The following SHISA5 variants were observed in gnomAD, a reference collection of about 807,000 sequenced individuals.
SHISA5 encodes the protein shisa family member 5.
Under a neutral mutation model 27.5 loss-of-function variants are expected in SHISA5, and 21 were observed. The ratio of observed to expected loss-of-function variants is 0.76; its 90% CI spans 0.54 to 1.10. The LOEUF is 1.10. Ranked by LOEUF, SHISA5 falls within the 50% of genes least tolerant of loss-of-function variation. The pLI, the probability that SHISA5 is intolerant of heterozygous loss-of-function variation, is 0.00. For synonymous variants in SHISA5, 137 were observed against 142.2 expected (o/e 0.96, Z 0.26); for missense variants, 314 against 336.3 (o/e 0.93, Z 0.52).
intron 2 of SHISA5, among the ~76,000 whole-genome samples, chr3:48,484,495 C>T (rs1575319260): frequency 2.0e-5 from 3 of 152,052 alleles, no homozygotes; most frequent in South Asian, 2.1e-4. Flanking sequence ...ACTCAGGAGG[C>T]GGAGACAGGA....
chr3:48,502,431 G>T, intron 1 of SHISA5: 2 of 456,666 alleles, frequency 4.4e-6, no homozygotes, highest in Non-Finnish European at 8.8e-6. Context: ...AGGGCTCCAA[G>T]GCAGTGGCAC....
intron 3 of SHISA5, among the ~76,000 whole-genome samples, chr3:48,476,490 C>T (rs1414093380): frequency 1.3e-5 from 2 of 152,202 alleles, no homozygotes; most frequent in Non-Finnish European, 2.9e-5. Flanking sequence ...CCTGGCTTCT[C>T]CTGAGCTCCT....
chr3:48,468,706 T>C lies in SHISA5; in HGVS notation c.*401A>G. The C allele has an allele frequency of 4.7e-6, 6 of 1,276,420 alleles. No homozygotes were observed. The highest frequency in any genetic ancestry group is 6.1e-6 in the Non-Finnish European group (6 of 987,510). The allele number at this position is 1,276,420 out of a possible 1,614,324, so 79.1% of individuals were successfully genotyped here. A position where few individuals can be genotyped will look rare whatever the true frequency, so the allele number is the denominator to read the frequency against. ...GACACATCTGCATCACACAGAAAGCTGCGCCACCCTGGTGTGACAGGCCCT... is the reference window on the plus strand; with the variant it reads ...GACACATCTGCATCACACAGAAAGCCGCGCCACCCTGGTGTGACAGGCCCT... On this transcript the variant is annotated 3_prime_UTR_variant, in exon 6 of 6. Transcript: ENST00000296444.
In SHISA5 at chr3:48,468,493, G is replaced by T; in HGVS notation, c.*614C>A. ...GCCTGAGGTGTTCTGGCATCAGGAG[G>T]CTGCCTGATCCCCAACAGGCATGAC... On this transcript the variant is annotated 3_prime_UTR_variant, in exon 6 of 6. Coordinates refer to ENST00000296444, the MANE Select transcript of SHISA5 (RefSeq NM_016479.6). 6.8e-6 allele frequency: 8 copies of T among 1,182,142 alleles called. No individual in the cohort carries two copies. Among genetic ancestry groups the T allele is most frequent in the Non-Finnish European group, 8.5e-6 (8 of 939,928 alleles). The allele number at this position is 1,182,142 out of a possible 1,614,324, so 73.2% of individuals were successfully genotyped here. A position where few individuals can be genotyped will look rare whatever the true frequency, so the allele number is the denominator to read the frequency against.
chr3:48,477,424 A>C (rs962763753), intron 3 of SHISA5, among the ~76,000 whole-genome samples: 1 of 152,032 alleles, frequency 6.6e-6, no homozygotes, highest in Non-Finnish European at 1.5e-5. Flanking sequence ...AACAAAAAAC[A>C]CGGGGTCGCC....
intron 2 of SHISA5, among the ~76,000 whole-genome samples, chr3:48,486,473 T>A (rs56395498): frequency 9.5e-6 from 1 of 105,250 alleles, no homozygotes; most frequent in African/African-American, 4.2e-5. Context: ...ATAATTATAT[T>A]ATATATATTA....
intron 3 of SHISA5, among the ~76,000 whole-genome samples, chr3:48,475,861 A>G (rs549798098): frequency 3.9e-5 from 6 of 152,370 alleles, no homozygotes; most frequent in African/African-American, 7.2e-5. Context: ...GCCACTCACC[A>G]TTAAACAGAG....
chr3:48,502,921 T>C (rs1036155997), intron 1 of SHISA5, among the ~76,000 whole-genome samples: 2 of 152,084 alleles, frequency 1.3e-5, no homozygotes, highest in African/African-American at 4.8e-5. Context: ...AGGCTGTCAG[T>C]AGAGTGAAGC....
At chr3:48,493,782 C>A (rs2041488145) in intron 2 of SHISA5, among the ~76,000 whole-genome samples, 1 of 146,878 alleles carries the variant, frequency 6.8e-6, no homozygotes, top group Admixed American at 6.7e-5. Context: ...ATCCACCCGC[C>A]TCAGCCTCCC....
chr3:48,492,196 C>G, intron 2 of SHISA5, among the ~76,000 whole-genome samples: 2 of 135,960 alleles, frequency 1.5e-5, no homozygotes, highest in Non-Finnish European at 1.5e-5. Flanking sequence ...AAAGGCCAGG[C>G]GCGGTGGCTC....
At chr3:48,483,295 G>C (rs889848183) in intron 2 of SHISA5, among the ~76,000 whole-genome samples, 42 of 151,860 alleles carry the variant, frequency 2.8e-4, no homozygotes, top group East Asian at 5.8e-4. Flanking sequence ...TGACTCTTAA[G>C]GAGCATGCTG....
At chr3:48,479,386 G>A (rs2040930784) in intron 2 of SHISA5, 129 bp from the exon 3 acceptor site, 3 of 775,698 alleles carry the variant, frequency 3.9e-6, no homozygotes, top group Non-Finnish European at 6.3e-6. Context: ...GCCTTCCAGA[G>A]GTGGACTCTG....
intron 2 of SHISA5, among the ~76,000 whole-genome samples, chr3:48,482,039 A>T (rs974520419): frequency 4.7e-5 from 7 of 149,882 alleles, no homozygotes; most frequent in African/African-American, 7.4e-5. Context: ...ACTGCACTCC[A>T]GCCTGGGGGA....
At chr3:48,501,480 C>T (rs1453251619) in intron 1 of SHISA5, among the ~76,000 whole-genome samples, 187 bp from the exon 2 acceptor site, 1 of 152,154 alleles carries the variant, frequency 6.6e-6, no homozygotes, top group East Asian at 1.9e-4. Flanking sequence ...CCCTATCCCA[C>T]GGGCCACAAC....
chr3:48,477,371 T>C (rs1274206523), intron 3 of SHISA5, among the ~76,000 whole-genome samples: 1 of 152,066 alleles, frequency 6.6e-6, no homozygotes, highest in Non-Finnish European at 1.5e-5. Flanking sequence ...GCTGGGATTA[T>C]AAGCATTAGC....
At chr3:48,481,565 C>A (rs983753575) in intron 2 of SHISA5, among the ~76,000 whole-genome samples, 1 of 149,056 alleles carries the variant, frequency 6.7e-6, no homozygotes, top group East Asian at 2.0e-4. Flanking sequence ...CTGAGGAGGG[C>A]GGATCATGAG....
intron 3 of SHISA5, among the ~76,000 whole-genome samples, chr3:48,472,164 G>A (rs990980147): frequency 3.3e-5 from 5 of 151,556 alleles, no homozygotes; most frequent in South Asian, 4.2e-4. Flanking sequence ...CTGAGCAACA[G>A]TGGGAGACTC....
chr3:48,503,308 G>T, intron 1 of SHISA5: 1 of 556,300 alleles, frequency 1.8e-6, no homozygotes, highest in Non-Finnish European at 3.1e-6. Flanking sequence ...CCAGGAGTGG[G>T]CGGATTCTGG....
upstream of SHISA5, chr3:48,504,490 C>G (rs766211374): frequency 5.8e-6 from 1 of 172,384 alleles, no homozygotes; most frequent in Non-Finnish European, 1.2e-5. The surrounding 1 kb of genome is among the most constrained non-coding windows in gnomAD (Gnocchi z 4.0). Context: ...GAATATGCAC[C>G]CTGACACTGA....
Sources: gnomAD v4.1 joint callset for allele counts (sites outside exome capture counted in the v4.1 genomes callset) on GRCh38, gnomAD v4.1.1 for gene constraint, Gnocchi (gnomAD v3.1) non-coding constraint, MANE v1.5 for transcripts, NCBI Gene and HGNC (gene_info 2026-07-23, HGNC 2026-07-21) for gene names.